The following GDA variants were observed in gnomAD, a reference collection of about 807,000 sequenced individuals.
GDA encodes the protein cytoplasmic PSD-95 interactor.
A neutral mutation model predicts 59.6 loss-of-function variants in GDA; 18 were observed. That is an observed-to-expected ratio of 0.30 (90% CI 0.21 to 0.45). The LOEUF is 0.45. Ranked by LOEUF, GDA falls within the 20% of genes least tolerant of loss-of-function variation. The pLI is 1.00. For missense variants in GDA, 427 were observed against 552.3 expected (o/e 0.77, Z 2.27); for synonymous variants, 201 against 201.1 (o/e 1.00, Z 0.00).
intron 4 of GDA, 56 bp downstream of exon 4, chr9:72,210,830 G>A (rs994019215): frequency 2.0e-5 from 21 of 1,070,222 alleles, no homozygotes; most frequent in African/African-American, 1.4e-4. Flanking sequence ...CCAGACCATC[G>A]TGGCAAACAA....
intron 1 of GDA, among the ~76,000 whole-genome samples, chr9:72,119,258 A>C (rs779434511): frequency 6.6e-6 from 1 of 152,188 alleles, no homozygotes; most frequent in Non-Finnish European, 1.5e-5. Flanking sequence ...CAATCCCAGC[A>C]CTTCAGGAGG....
At chr9:72,156,924 A>C (rs563641657) in intron 1 of GDA, among the ~76,000 whole-genome samples, 1 of 151,286 alleles carries the variant, frequency 6.6e-6, no homozygotes, top group Non-Finnish European at 1.5e-5. Flanking sequence ...TGAGACTGTG[A>C]GGAAAAGGTT....
At chr9:72,219,774 T>A (rs1390891324) in intron 6 of GDA, among the ~76,000 whole-genome samples, 1 of 152,222 alleles carries the variant, frequency 6.6e-6, no homozygotes, top group African/African-American at 2.4e-5. Flanking sequence ...TATTTATACA[T>A]TGTTTATTGA....
chr9:72,255,507 T>C (rs1439586027), downstream of GDA, among the ~76,000 whole-genome samples: 1 of 152,212 alleles, frequency 6.6e-6, no homozygotes, highest in East Asian at 1.9e-4. Context: ...TCAGCAAGGT[T>C]GTGCCTGTCT....
At chr9:72,126,311 G>A (rs1454279260) in intron 1 of GDA, among the ~76,000 whole-genome samples, 1 of 152,142 alleles carries the variant, frequency 6.6e-6, no homozygotes, top group Non-Finnish European at 1.5e-5. Context: ...ATCTGTCCAT[G>A]TATTCATCCA....
At chr9:72,166,490 A>C (rs1364616364) in intron 1 of GDA, among the ~76,000 whole-genome samples, 1 of 152,172 alleles carries the variant, frequency 6.6e-6, no homozygotes, top group Non-Finnish European at 1.5e-5. Flanking sequence ...GTTATCAACA[A>C]CGTATTCTAC....
At chr9:72,135,413 G>T (rs1452169865) in intron 1 of GDA, among the ~76,000 whole-genome samples, 1 of 152,136 alleles carries the variant, frequency 6.6e-6, no homozygotes, top group Admixed American at 6.6e-5. Context: ...CTCATGCTGA[G>T]AAAGTGGGAT....
chr9:72,223,716 C>A lies in GDA; in HGVS notation c.714+489C>A, dbSNP rs73650312. On this transcript the variant is annotated intron_variant, in intron 7 of 13. Coordinates refer to ENST00000358399, the MANE Select transcript of GDA (RefSeq NM_004293.5). ...TGTTCTGAGTTTCTTAATTTAAAAT[C>A]AGAACAAAAAAGTATACCTTGCTTT... Among the ~76,000 whole-genome samples, 415 of 152,130 alleles carry A rather than the reference C, an allele frequency of 2.7e-3. 5 individuals are homozygous for A. Among genetic ancestry groups the A allele is most frequent in the African/African-American group, 9.5e-3 (396 of 41,524 alleles).
chr9:72,214,077 A>C, intron 5 of GDA, 86 bp downstream of exon 5: 2 of 784,494 alleles, frequency 2.5e-6, no homozygotes, highest in Non-Finnish European at 4.4e-6. Context: ...AGGAAACAGG[A>C]TACTGTTATC....
intron 7 of GDA, among the ~76,000 whole-genome samples, chr9:72,223,674 G>A (rs955006970): frequency 1.3e-5 from 2 of 152,160 alleles, no homozygotes; most frequent in African/African-American, 4.8e-5. Flanking sequence ...TTACAAAATA[G>A]CATTTAAAAT....
chr9:72,203,159 C>T (rs1834225087), intron 3 of GDA, among the ~76,000 whole-genome samples: 1 of 152,120 alleles, frequency 6.6e-6, no homozygotes, highest in Non-Finnish European at 1.5e-5. Context: ...CATGATAGTA[C>T]CTATTTCACA....
At chr9:72,128,316 T>C (rs1213514777) in intron 1 of GDA, among the ~76,000 whole-genome samples, 2 of 152,182 alleles carry the variant, frequency 1.3e-5, no homozygotes, top group Non-Finnish European at 2.9e-5. Flanking sequence ...AAGTAAGTGA[T>C]TCAAATAATG....
At chr9:72,197,410 T>C (rs1469489319) in intron 2 of GDA, 1 of 152,188 alleles carries the variant, frequency 6.6e-6, no homozygotes, top group African/African-American at 2.4e-5. Context: ...GAATCTATGA[T>C]GAGGAGCAAC....
chr9:72,121,251 T>C (rs1471475086), intron 1 of GDA, among the ~76,000 whole-genome samples: 1 of 152,210 alleles, frequency 6.6e-6, no homozygotes, highest in African/African-American at 2.4e-5. Flanking sequence ...ACCAAGATTA[T>C]GCAACATGCG....
intron 5 of GDA, among the ~76,000 whole-genome samples, chr9:72,217,796 C>G (rs1000635094): frequency 5.9e-5 from 9 of 152,150 alleles, no homozygotes; most frequent in African/African-American, 2.2e-4. Flanking sequence ...TTTCATACAA[C>G]ATTGGGAGAT....
rs771557496 is a variant in GDA, at chr9:72,228,083, TTGCAGATTAGCAGCCAAA to T, written c.920+47_920+64del. On this transcript the variant is annotated intron_variant, in intron 9 of 13. Coordinates refer to ENST00000358399, the MANE Select transcript of GDA (RefSeq NM_004293.5). ...GTTTGGTAGATTACGAATGATTGGG[TTGCAGATTAGCAGCCAAA>T]TGCCTTTGTTTCCTCTGTCATTCCT... The T allele has an allele frequency of 9.9e-5, 111 of 1,125,308 alleles. No individual in the cohort carries two copies. The African/African-American group carries it at 1.6e-3, about 16-fold the overall frequency. The allele number at this position is 1,125,308 out of a possible 1,614,324, so 69.7% of individuals were successfully genotyped here.
At chr9:72,146,517 G>C (rs1026966993), upstream of GDA, among the ~76,000 whole-genome samples, 1 of 152,082 alleles carries the variant, frequency 6.6e-6, no homozygotes, top group Non-Finnish European at 1.5e-5. Flanking sequence ...CGAGAGTGGA[G>C]TCTCACCCTG....
chr9:72,159,510 T>TA (rs909723307), intron 1 of GDA, among the ~76,000 whole-genome samples: 16 of 151,692 alleles, frequency 1.1e-4, no homozygotes, highest in African/African-American at 2.7e-4. Context: ...ATTCATGAAT[T>TA]AAAAAAAAAT....
chr9:72,229,556 G>A (rs971965618), intron 9 of GDA, among the ~76,000 whole-genome samples: 7 of 152,120 alleles, frequency 4.6e-5, no homozygotes, highest in Non-Finnish European at 8.8e-5. Context: ...TGAGGGAGCT[G>A]GCTGTGACAG....
Sources: allele counts gnomAD v4.1 joint callset (sites outside exome capture counted in the v4.1 genomes callset), GRCh38; gene constraint gnomAD v4.1.1; transcripts MANE v1.5; gene names NCBI Gene and HGNC (gene_info 2026-07-23, HGNC 2026-07-21).